ATP1B3: variants seen among roughly 807,000 people sequenced by gnomAD.
The protein encoded by ATP1B3 is ATPase Na+/K+ transporting subunit beta 3, also known as sodium/potassium-transporting ATPase subunit beta-3.
In ATP1B3, 10 loss-of-function variants were observed where a neutral mutation model predicts 30.2. That is an observed-to-expected ratio of 0.33 (90% CI 0.20 to 0.56). The LOEUF is 0.56. Among genes scored for constraint, ATP1B3 ranks in the 20% least tolerant of loss-of-function variants. The pLI is 0.90. For synonymous variants in ATP1B3, 113 were observed against 117.0 expected, an observed-to-expected ratio of 0.97 and a Z score of 0.22; for missense variants, 238 against 336.7, an observed-to-expected ratio of 0.71 and a Z score of 2.29.
At chr3:141,883,710 T>C (rs569772782) in intron 1 of ATP1B3, among the ~76,000 whole-genome samples, 1 of 152,356 alleles carries the variant, frequency 6.6e-6, no homozygotes, top group Non-Finnish European at 1.5e-5. Context: ...TGAGCAGTAC[T>C]ATGAATGTTT....
chr3:141,923,104 C>T (rs1934595420), intron 6 of ATP1B3, among the ~76,000 whole-genome samples: 1 of 152,074 alleles, frequency 6.6e-6, no homozygotes, highest in Non-Finnish European at 1.5e-5. Flanking sequence ...ATAGTGAAAC[C>T]CCGTCTCTGC....
chr3:141,916,701 GA>G lies in ATP1B3; in HGVS notation c.582+689del, dbSNP rs200122403. ...ACATTGAAATCACTTTTAAAGTTGT[GA>G]AAAAAAATTCTTTTTACTGTTAATG... On this transcript the variant is annotated intron_variant, in intron 5 of 6. Coordinates refer to ENST00000286371, the MANE Select transcript of ATP1B3 (RefSeq NM_001679.4). 248 of 755,460 alleles carry G rather than the reference GA, an allele frequency of 3.3e-4. No individual in the cohort carries two copies. In the African/African-American group the frequency reaches 3.9e-3, roughly 12 times the overall value. 46.8% of individuals were successfully genotyped at this position (755,460 alleles called of 1,614,324 possible).
At chr3:141,918,841 T>G (rs1934515908) in intron 5 of ATP1B3, 1 of 152,216 alleles carries the variant, frequency 6.6e-6, no homozygotes, top group Admixed American at 6.5e-5. Context: ...ATTTAATGAT[T>G]CGGATTTCAG....
chr3:141,913,648 T>G lies in ATP1B3; in HGVS notation c.347-4T>G. On this transcript the variant is annotated splice_region_variant and splice_polypyrimidine_tract_variant and intron_variant, in intron 3 of 6. Coordinates refer to ENST00000286371, the MANE Select transcript of ATP1B3 (RefSeq NM_001679.4). ...TCTAGCACACATATATGTTTCCTTT[T>G]TAGCATATACTTTAGAAGAACAGAA... 2 of 1,607,032 alleles carry G rather than the reference T, an allele frequency of 1.2e-6. No individual in the cohort carries two copies. Among genetic ancestry groups the G allele is most frequent in the African/African-American group, 2.7e-5 (2 of 74,654 alleles).
At chr3:141,911,653 C>G (rs1405424327) in intron 3 of ATP1B3, among the ~76,000 whole-genome samples, 1 of 152,142 alleles carries the variant, frequency 6.6e-6, no homozygotes, top group South Asian at 2.1e-4. Flanking sequence ...CGCCACCACA[C>G]CTGGCTAATT....
rs761272686 is a variant in ATP1B3 at position 141,881,725 on chromosome 3, CAGTAATG to C, written c.109+4816_109+4822del. 1.1e-4 allele frequency among the ~76,000 whole-genome samples: 16 copies of C among 152,168 alleles called. 1 individual carries two copies. The highest frequency in any genetic ancestry group is 9.2e-4 in the Admixed American group (14 of 15,284). ...TATAACTCCCACATGCTTAGCGTTC[CAGTAATG>C]GAACACAGGCATAAATGGAAGCTTT... On this transcript the variant is annotated intron_variant, in intron 1 of 6. Coordinates refer to ENST00000286371, the MANE Select transcript of ATP1B3 (RefSeq NM_001679.4).
At chr3:141,916,352 T>G in intron 5 of ATP1B3, 1 of 471,882 alleles carries the variant, frequency 2.1e-6, no homozygotes, top group South Asian at 1.5e-5. Context: ...TACTGTATCA[T>G]GACATTTTTC....
At chr3:141,917,593 C>T (rs111620398) in intron 5 of ATP1B3, among the ~76,000 whole-genome samples, 2,785 of 151,792 alleles carry the variant, frequency 0.018, 81 homozygotes, top group African/African-American at 0.064. Flanking sequence ...ATTCAGGAGA[C>T]GGAGGCAAAG....
chr3:141,884,097 T>C (rs973504237), intron 1 of ATP1B3, among the ~76,000 whole-genome samples: 1 of 152,222 alleles, frequency 6.6e-6, no homozygotes, highest in African/African-American at 2.4e-5. Flanking sequence ...AATGGGAGTT[T>C]ATTTAATAGT....
At chr3:141,904,879 T>A (rs1259066968) in intron 2 of ATP1B3, among the ~76,000 whole-genome samples, 1 of 151,728 alleles carries the variant, frequency 6.6e-6, no homozygotes, top group Non-Finnish European at 1.5e-5. Context: ...CCAGCTAATT[T>A]TTTGTATTTT....
chr3:141,896,562 C>G (rs2107769661), intron 1 of ATP1B3, among the ~76,000 whole-genome samples: 1 of 152,028 alleles, frequency 6.6e-6, no homozygotes, highest in South Asian at 2.1e-4. Context: ...TGTAAAAGTT[C>G]TTCATATATT....
chr3:141,883,734 C>A (rs1933778819), intron 1 of ATP1B3, among the ~76,000 whole-genome samples: 1 of 152,134 alleles, frequency 6.6e-6, no homozygotes, highest in African/African-American at 2.4e-5. Flanking sequence ...TGAAGTTAGT[C>A]TTCTGCAGTA....
chr3:141,913,657 A>C lies in ATP1B3; in HGVS notation c.352A>C (p.Thr118Pro), dbSNP rs769110981. Residue 118 changes from threonine (T) to proline (P), a missense_variant, in exon 4 of 7, where the codon ACT (threonine) becomes CCT (proline). Coordinates refer to ENST00000286371, the MANE Select transcript of ATP1B3 (RefSeq NM_001679.4). ...EDLKKFLKPY[T>P]LEEQKNLTVC... ...CATATATGTTTCCTTTTTAGCATAT[A>C]CTTTAGAAGAACAGAAGAACCTCAC... The C allele has an allele frequency of 6.2e-7, 1 of 1,608,852 alleles. No individual in the cohort carries two copies. The highest frequency in any genetic ancestry group is 8.5e-7 in the Non-Finnish European group (1 of 1,178,784).
chr3:141,883,967 C>T (rs921956279), intron 1 of ATP1B3, among the ~76,000 whole-genome samples: 31 of 152,160 alleles, frequency 2.0e-4, no homozygotes, highest in African/African-American at 7.5e-4. Flanking sequence ...ATAATAGTGA[C>T]AGAACCAGGG....
rs754161136 is a variant in ATP1B3, at chr3:141,876,801, C to G, written c.-1C>G. On this transcript the variant is annotated 5_prime_UTR_variant, in exon 1 of 7. Coordinates refer to ENST00000286371, the MANE Select transcript of ATP1B3 (RefSeq NM_001679.4). ...CTCCTCTCGCCGTCCGCGCGCACAC[C>G]ATGACGAAGAACGAGAAGAAGTCCC... is the stretch of plus-strand genomic sequence containing the variant. 6.3e-7 allele frequency: 1 copy of G among 1,589,456 alleles called. No individual in the cohort carries two copies. Among genetic ancestry groups the G allele is most frequent in the South Asian group, 1.1e-5 (1 of 89,792 alleles).
At chr3:141,878,745 C>T (rs2107925001) in intron 1 of ATP1B3, among the ~76,000 whole-genome samples, 1 of 152,218 alleles carries the variant, frequency 6.6e-6, no homozygotes. Flanking sequence ...TCTTCAAAAT[C>T]GATAAGTATT....
At chr3:141,885,882 C>A (rs1045982083) in intron 1 of ATP1B3, among the ~76,000 whole-genome samples, 5 of 60,644 alleles carry the variant, frequency 8.2e-5, no homozygotes, top group African/African-American at 1.3e-4. Context: ...TGCGTTAAAA[C>A]ACACACACAC....
chr3:141,893,252 A>G (rs1448893652), intron 1 of ATP1B3, among the ~76,000 whole-genome samples: 1 of 151,834 alleles, frequency 6.6e-6, no homozygotes, highest in Non-Finnish European at 1.5e-5. Context: ...CAAGCTATCC[A>G]CCCGCCTTGG....
intron 1 of ATP1B3, among the ~76,000 whole-genome samples, chr3:141,898,680 C>T (rs775541359): frequency 6.6e-6 from 1 of 152,122 alleles, no homozygotes; most frequent in Non-Finnish European, 1.5e-5. Flanking sequence ...AGACAGTCTA[C>T]CAGTTACTCA....
Sources: allele counts gnomAD v4.1 joint callset (sites outside exome capture counted in the v4.1 genomes callset), GRCh38; gene constraint gnomAD v4.1.1; transcripts MANE v1.5; gene names NCBI Gene and HGNC (gene_info 2026-07-23, HGNC 2026-07-21).